SLC26A9: variants seen among roughly 807,000 people sequenced by gnomAD.
The protein encoded by SLC26A9 is anion transporter/exchanger protein 9.
A neutral mutation model predicts 87.1 loss-of-function variants in SLC26A9; 46 were observed. The ratio of observed to expected loss-of-function variants is 0.53; its 90% CI spans 0.42 to 0.67. The LOEUF (loss-of-function observed/expected upper bound fraction) is 0.67, where lower values mean the gene tolerates loss of function less well. SLC26A9 is among the 30% of genes least tolerant of loss of function. The probability of loss-of-function intolerance (pLI) is 0.00; values close to 1 mark genes in which losing one functional copy is unlikely to be tolerated. For synonymous variants in SLC26A9, 437 were observed against 409.1 expected, an observed-to-expected ratio of 1.07 and a Z score of -0.82; for missense variants, 927 against 1,018.3, an observed-to-expected ratio of 0.91 and a Z score of 1.22.
intron 2 of SLC26A9, among the ~76,000 whole-genome samples, chr1:205,934,226 C>T (rs911101930): frequency 6.6e-6 from 1 of 152,232 alleles, no homozygotes; most frequent in Non-Finnish European, 1.5e-5. Flanking sequence ...AAAGCATCAT[C>T]ATCAATATCT....
At chr1:205,942,742 G>A (rs965652057) in intron 1 of SLC26A9, among the ~76,000 whole-genome samples, 11 of 152,126 alleles carry the variant, frequency 7.2e-5, no homozygotes, top group Admixed American at 4.6e-4. Context: ...CCGCCCACCC[G>A]CCTGCCTGAT....
chr1:205,920,068 G>T, intron 18 of SLC26A9, 108 bp downstream of exon 18: 1 of 1,243,544 alleles, frequency 8.0e-7, no homozygotes, highest in Non-Finnish European at 1.2e-6. Context: ...GTGGGGGATA[G>T]CTGGGTGCTC....
At position 205,930,004 on chromosome 1, in the gene SLC26A9, G is replaced by A. The variant is rs1004043259; in HGVS notation, c.605C>T (p.Ser202Phe). ...GGCCGTCATGAAGCCCCGGATGAAG[G>A]ACTCGGAGAGGTAGATGGCCACAAA... is the stretch of plus-strand genomic sequence containing the variant. ...FGFVAIYLSE[S>F]FIRGFMTAAG... Residue 202 changes from serine (S) to phenylalanine (F), a missense_variant, in exon 6 of 21, where the codon TCC becomes TTC. Physicochemically the swap from Ser to Phe is radical, Grantham distance 155. Coordinates refer to ENST00000367135, the MANE Select transcript of SLC26A9 (RefSeq NM_052934.4). 1 of 1,613,740 alleles carries A rather than the reference G, an allele frequency of 6.2e-7. No individual in the cohort carries two copies. Among genetic ancestry groups the A allele is most frequent in the Non-Finnish European group, 8.5e-7 (1 of 1,179,648 alleles).
chr1:205,929,346 T>C lies in SLC26A9; in HGVS notation c.728A>G (p.Asp243Gly). The change falls in exon 7 of 21, where the codon GAC becomes GGC. Residue 243 changes from aspartate (D) to glycine (G), a missense_variant. Physicochemically the swap from Asp to Gly is moderately conservative, Grantham distance 94. Transcript: ENST00000367135. ...GPGSIVFTFIDICKNLPHTNI... is the reference protein window; with the variant it reads ...GPGSIVFTFIGICKNLPHTNI... ...GGTGTGGGGGAGGTTTTTGCAAATG[T>C]CAATGAAGGTCTGGGGGAAAGAGCA... The C allele has an allele frequency of 6.2e-7, 1 of 1,613,994 alleles. No homozygotes were observed. Among genetic ancestry groups the C allele is most frequent in the Non-Finnish European group, 8.5e-7 (1 of 1,179,920 alleles).
rs778287224 is a variant in SLC26A9 at position 205,920,152 on chromosome 1, C to A, written c.2110+24G>T. The stretch of plus-strand genomic sequence containing the variant: ...CCACACTCCTTGCCAGTCTTTCAGT[C>A]CCTAAATGTCCTCTTTCTCTTACCA... On this transcript the variant is annotated intron_variant, in intron 18 of 20. Transcript: ENST00000367135. 5 of 1,613,374 alleles carry A rather than the reference C, an allele frequency of 3.1e-6. No individual in the cohort carries two copies. In the African/African-American group the frequency reaches 5.3e-5, roughly 17 times the overall value.
chr1:205,923,470 T>C (rs1037656262), intron 14 of SLC26A9, 43 bp from the exon 15 acceptor site: 3 of 1,613,876 alleles, frequency 1.9e-6, no homozygotes, highest in Non-Finnish European at 1.7e-6. Context: ...AATGTCTTTA[T>C]TGGCTTTAAA....
intron 20 of SLC26A9, among the ~76,000 whole-genome samples, chr1:205,916,864 A>G (rs1658612558): frequency 6.6e-6 from 1 of 152,076 alleles, no homozygotes; most frequent in Admixed American, 6.6e-5. Context: ...CACTTAGGAG[A>G]CCGAGGCAGG....
chr1:205,931,803 A>T, intron 5 of SLC26A9, 57 bp downstream of exon 5: 1 of 1,558,636 alleles, frequency 6.4e-7, no homozygotes, highest in Middle Eastern at 2.3e-4. Context: ...TAAGGCTTTG[A>T]GGGAGGGGCA....
Position 205,914,979 on chromosome 1 carries a change from GTTGTAC to G in SLC26A9, c.*372_*377del. On this transcript the variant is annotated 3_prime_UTR_variant, in exon 21 of 21. Coordinates refer to ENST00000367135, the MANE Select transcript of SLC26A9 (RefSeq NM_052934.4). ...GAAGCTTGTACAGCAGGCCAGCACA[GTTGTAC>G]TTGTCCTTCTGTTTTTGGCTCACTC... The G allele has an allele frequency of 1.2e-6, 2 of 1,614,234 alleles. No homozygotes were observed. Among genetic ancestry groups the G allele is most frequent in the Non-Finnish European group, 1.7e-6 (2 of 1,180,040 alleles).
chr1:205,943,031 G>A (rs1326548807), intron 1 of SLC26A9, among the ~76,000 whole-genome samples: 3 of 152,206 alleles, frequency 2.0e-5, no homozygotes, highest in South Asian at 2.1e-4. Context: ...AAAGGCTGTC[G>A]CGGAGGAAGG....
At chr1:205,921,904 G>C in intron 16 of SLC26A9, 57 bp from the exon 17 acceptor site, 1 of 1,557,982 alleles carries the variant, frequency 6.4e-7, no homozygotes, top group Non-Finnish European at 8.7e-7. Flanking sequence ...GCCAGACCTT[G>C]CTGTGACTGA....
chr1:205,928,116 C>A, intron 8 of SLC26A9, 67 bp from the exon 9 acceptor site: 1 of 1,557,806 alleles, frequency 6.4e-7, no homozygotes, highest in Middle Eastern at 1.8e-4. Flanking sequence ...AAGTCCTTCA[C>A]CAGCCCACAG....
chr1:205,931,484 T>TTTTTTTTTTTG, intron 5 of SLC26A9, among the ~76,000 whole-genome samples: 1 of 121,478 alleles, frequency 8.2e-6, no homozygotes. Context: ...TTTTTTTTTT[T>TTTTTTTTTTTG]GAGACGGAGT....
At chr1:205,933,110 A>G in intron 2 of SLC26A9, 26 bp from the exon 3 acceptor site, 1 of 1,614,112 alleles carries the variant, frequency 6.2e-7, no homozygotes, top group Non-Finnish European at 8.5e-7. Flanking sequence ...GAAAATTTCC[A>G]GTCGGCTCTG....
intron 1 of SLC26A9, among the ~76,000 whole-genome samples, chr1:205,937,857 G>A (rs1333287567): frequency 6.6e-6 from 1 of 150,904 alleles, no homozygotes; most frequent in Non-Finnish European, 1.5e-5. Context: ...ATGGTTTGGG[G>A]AGTCTAGCCC....
At position 205,913,118 on chromosome 1, in the gene SLC26A9, T is replaced by C. The variant is rs139290825; in HGVS notation, c.*2239A>G. On this transcript the variant is annotated 3_prime_UTR_variant, in exon 21 of 21. Coordinates refer to ENST00000367135, the MANE Select transcript of SLC26A9 (RefSeq NM_052934.4). ...GAGAATGAGGCTTAAATTAAATAAATTATGCAAATATCTCAAGAGATAAGG... is the reference window on the plus strand; with the variant it reads ...GAGAATGAGGCTTAAATTAAATAAACTATGCAAATATCTCAAGAGATAAGG... 6.6e-5 allele frequency: 10 copies of C among 152,218 alleles called. No individual in the cohort carries two copies. Among genetic ancestry groups the C allele is most frequent in the Middle Eastern group, 3.4e-3 (1 of 294 alleles). The allele number at this position is 152,218 out of a possible 1,614,324, so 9.4% of individuals were successfully genotyped here.
rs772014773 is a variant in SLC26A9, at chr1:205,918,867, G to C, written c.2229C>G (p.Asp743Glu). ...CTTGGAAGTTGTGTCCTGGGGTCAC[G>C]TCTCTAGCATTTGCCTGGGCAAAGA... Reference protein sequence around the residue: ...AVLFAQANARDVTPGHNFQGA... With the variant: ...AVLFAQANAREVTPGHNFQGA... Residue 743 changes from aspartate (D) to glutamate (E), a missense_variant, in exon 19 of 21, where the codon GAC (aspartate) becomes GAG (glutamate). Asp to Glu is a conservative substitution (Grantham distance 45, BLOSUM62 2). Coordinates refer to ENST00000367135, the MANE Select transcript of SLC26A9 (RefSeq NM_052934.4). 2 of 1,614,116 alleles carry C rather than the reference G, an allele frequency of 1.2e-6. No homozygotes were observed. The highest frequency in any genetic ancestry group is 1.7e-6 in the Non-Finnish European group (2 of 1,179,974).
intron 1 of SLC26A9, among the ~76,000 whole-genome samples, chr1:205,936,451 G>A (rs967135029): frequency 3.3e-5 from 5 of 152,086 alleles, no homozygotes; most frequent in South Asian, 2.1e-4. Flanking sequence ...TCTCTCCCAC[G>A]GCTTCCTGTG....
rs769878614 is a variant in SLC26A9, at chr1:205,923,422, C to G, written c.1572G>C (p.Gln524His). ...TGATGATTTTAATCCCCTGGATATC[C>G]TGGGCCTGTGACAGGGAGACTGAGC... ...YVNPKTYNRA[Q>H]DIQGIKIITY... Residue 524 changes from glutamine (Q) to histidine (H), a missense_variant, in exon 15 of 21, where the codon CAG (glutamine) becomes CAC (histidine). Gln to His is a conservative substitution (Grantham distance 24). Transcript: ENST00000367135. 5.0e-6 allele frequency: 8 copies of G among 1,614,192 alleles called. No homozygotes were observed. The highest frequency in any genetic ancestry group is 6.8e-6 in the Non-Finnish European group (8 of 1,180,032).
Sources: allele counts gnomAD v4.1 joint callset (sites outside exome capture counted in the v4.1 genomes callset), GRCh38; gene constraint gnomAD v4.1.1; transcripts MANE v1.5; gene names NCBI Gene and HGNC (gene_info 2026-07-23, HGNC 2026-07-21).